The following ATL2 variants were observed in gnomAD, a reference collection of about 807,000 sequenced individuals.
ATL2 encodes the protein atlastin-2.
In ATL2, 31 loss-of-function variants were observed where a neutral mutation model predicts 73.9. The ratio of observed to expected loss-of-function variants is 0.42; its 90% CI spans 0.32 to 0.57. The LOEUF (loss-of-function observed/expected upper bound fraction) is 0.57, where lower values mean the gene tolerates loss of function less well. Among genes scored for constraint, ATL2 ranks in the 20% least tolerant of loss-of-function variants. The pLI is 0.14. For synonymous variants in ATL2, 291 were observed against 237.5 expected, an observed-to-expected ratio of 1.23 and a Z score of -2.07; for missense variants, 738 against 702.6, an observed-to-expected ratio of 1.05 and a Z score of -0.57.
intron 7 of ATL2, among the ~76,000 whole-genome samples, chr2:38,312,081 T>C (rs948884097): frequency 5.9e-5 from 9 of 152,172 alleles, no homozygotes; most frequent in South Asian, 2.1e-4. Context: ...ATCATTCCCA[T>C]AGACAAATAA....
chr2:38,310,576 G>T, intron 7 of ATL2, 129 bp from the exon 8 acceptor site: 1 of 586,106 alleles, frequency 1.7e-6, no homozygotes, highest in Non-Finnish European at 2.6e-6. Flanking sequence ...AGTCTTTTTT[G>T]ACAATACAAA....
At chr2:38,296,631 G>C in intron 12 of ATL2, 1 of 1,606,784 alleles carries the variant, frequency 6.2e-7, no homozygotes, top group Non-Finnish European at 8.5e-7. Flanking sequence ...GAATCAGAGT[G>C]CCTCGAAGCT....
At chr2:38,349,589 G>C (rs1340978526) in intron 1 of ATL2, among the ~76,000 whole-genome samples, 3 of 150,878 alleles carry the variant, frequency 2.0e-5, no homozygotes, top group East Asian at 1.9e-4. Context: ...AAGTTAATGG[G>C]TGCAGCACAC....
chr2:38,327,607 A>G (rs1391457802), intron 2 of ATL2, among the ~76,000 whole-genome samples: 1 of 151,996 alleles, frequency 6.6e-6, no homozygotes, highest in Admixed American at 6.6e-5. Flanking sequence ...TTATATCAAC[A>G]ATCACTTTAG....
At position 38,295,923 on chromosome 2, in the gene ATL2, TTTTA is replaced by T. The variant is rs1178502796; in HGVS notation, c.*67_*70del. On this transcript the variant is annotated 3_prime_UTR_variant, in exon 13 of 13. Transcript: ENST00000378954. ...CAGTTGATTGTAAACTTTGGTTTAT[TTTTA>T]TTTGAGTTCTCATTGTACAGCAAGC... 9.1e-6 allele frequency: 12 copies of T among 1,325,294 alleles called. No homozygotes were observed. The highest frequency in any genetic ancestry group is 1.4e-5 in the South Asian group (1 of 72,798). 82.1% of individuals were successfully genotyped at this position (1,325,294 alleles called of 1,614,324 possible).
intron 2 of ATL2, among the ~76,000 whole-genome samples, chr2:38,326,601 A>C (rs941702978): frequency 3.9e-5 from 6 of 152,256 alleles, no homozygotes; most frequent in Admixed American, 6.5e-5. Context: ...GCTGCAAAGT[A>C]ACACAAAAAG....
intron 9 of ATL2, among the ~76,000 whole-genome samples, chr2:38,308,328 G>A (rs1021534525): frequency 9.2e-5 from 14 of 152,154 alleles, no homozygotes; most frequent in African/African-American, 1.9e-4. Context: ...AGGACTTTAT[G>A]TTAAGTGAAA....
At chr2:38,338,257 G>T (rs1669487660) in intron 2 of ATL2, among the ~76,000 whole-genome samples, 2 of 152,076 alleles carry the variant, frequency 1.3e-5, no homozygotes, top group South Asian at 2.1e-4. Flanking sequence ...GCTAAACAAG[G>T]GTACTCACGT....
At chr2:38,354,148 T>C (rs1670522699) in intron 1 of ATL2, 1 of 423,482 alleles carries the variant, frequency 2.4e-6, no homozygotes, top group Non-Finnish European at 4.6e-6. Flanking sequence ...ATCGTGCCAC[T>C]GCACTCCAAC....
chr2:38,339,398 A>G (rs1669568132), intron 2 of ATL2, among the ~76,000 whole-genome samples: 1 of 152,198 alleles, frequency 6.6e-6, no homozygotes, highest in Admixed American at 6.5e-5. Flanking sequence ...AGTTAATAGT[A>G]ATGTACCAAT....
At chr2:38,330,032 G>A (rs1478600974) in intron 2 of ATL2, among the ~76,000 whole-genome samples, 1 of 152,060 alleles carries the variant, frequency 6.6e-6, no homozygotes, top group Non-Finnish European at 1.5e-5. Flanking sequence ...TGGAGGCTGA[G>A]GCAGGAGAAT....
chr2:38,325,392 G>A (rs1319400884), intron 2 of ATL2, among the ~76,000 whole-genome samples: 1 of 152,018 alleles, frequency 6.6e-6, no homozygotes, highest in Non-Finnish European at 1.5e-5. Flanking sequence ...ACACTTAAAT[G>A]GCAATTTCAA....
At chr2:38,332,353 C>G (rs2034358) in intron 2 of ATL2, among the ~76,000 whole-genome samples, 2 of 151,890 alleles carry the variant, frequency 1.3e-5, no homozygotes, top group Non-Finnish European at 2.9e-5. Context: ...ACTACAGATA[C>G]ACACCACCAC....
At chr2:38,312,176 TGTAA>T (rs1262692197) in intron 7 of ATL2, among the ~76,000 whole-genome samples, 1 of 152,170 alleles carries the variant, frequency 6.6e-6, no homozygotes, top group Admixed American at 6.5e-5. Context: ...ATGGGTAGCC[TGTAA>T]GTATCTGACC....
At chr2:38,374,954 T>A (rs72907889) in intron 1 of ATL2, among the ~76,000 whole-genome samples, 8,753 of 152,280 alleles carry the variant, frequency 0.057, 844 homozygotes, top group African/African-American at 0.2. Flanking sequence ...CCCTATAATA[T>A]CTTTACTGTA....
At chr2:38,322,311 A>C (rs963425213) in intron 2 of ATL2, among the ~76,000 whole-genome samples, 6 of 152,178 alleles carry the variant, frequency 3.9e-5, no homozygotes, top group Admixed American at 3.9e-4. Flanking sequence ...TATCTCCTCT[A>C]CAAGAAGGTA....
At chr2:38,318,702 T>A (rs1167301592) in intron 3 of ATL2, 63 bp from the exon 4 acceptor site, 4 of 1,411,924 alleles carry the variant, frequency 2.8e-6, no homozygotes. Context: ...ATAAAAAAAA[T>A]CAAATGATAA....
intron 1 of ATL2, among the ~76,000 whole-genome samples, chr2:38,351,234 G>C (rs1002405654): frequency 1.3e-5 from 2 of 152,028 alleles, no homozygotes; most frequent in Non-Finnish European, 2.9e-5. Flanking sequence ...TCATACCCAA[G>C]TGAAAACAGT....
chr2:38,373,911 GAC>G (rs1671822231), intron 1 of ATL2, among the ~76,000 whole-genome samples: 1 of 152,146 alleles, frequency 6.6e-6, no homozygotes, highest in South Asian at 2.1e-4. Flanking sequence ...TTATGGGGGA[GAC>G]AGAGTTTCGC....
Sources: gnomAD v4.1 joint callset for allele counts (sites outside exome capture counted in the v4.1 genomes callset) on GRCh38, gnomAD v4.1.1 for gene constraint, MANE v1.5 for transcripts, NCBI Gene and HGNC (gene_info 2026-07-23, HGNC 2026-07-21) for gene names.